The following PAM variants were observed in gnomAD, a reference collection of about 807,000 sequenced individuals.
PAM encodes peptidyl-glycine alpha-amidating monooxygenase.
PAM carries 72 observed loss-of-function variants against 122.1 expected under a neutral mutation model. The observed-to-expected ratio is 0.59, with a 90% CI of 0.49 to 0.72. The LOEUF (loss-of-function observed/expected upper bound fraction) is 0.72. PAM is among the 30% of genes least tolerant of loss of function. The probability of loss-of-function intolerance (pLI) is 0.00; values close to 1 mark genes in which losing one functional copy is unlikely to be tolerated. For missense variants in PAM, 1,106 were observed against 1,183.7 expected, an observed-to-expected ratio of 0.93 and a Z score of 0.96; for synonymous variants, 389 against 404.4, an observed-to-expected ratio of 0.96 and a Z score of 0.46.
intron 1 of PAM, among the ~76,000 whole-genome samples, chr5:102,837,248 G>A (rs1272439161): frequency 2.6e-5 from 4 of 152,032 alleles, no homozygotes; most frequent in Admixed American, 2.0e-4. Context: ...CATCATCTTC[G>A]TACCACACAA....
chr5:102,896,649 T>TG (rs1796300158), intron 3 of PAM, among the ~76,000 whole-genome samples: 1 of 151,690 alleles, frequency 6.6e-6, no homozygotes, highest in Admixed American at 6.6e-5. Context: ...TTTGGGAACG[T>TG]TTTAACATAA....
At chr5:102,931,961 A>T (rs1293446561) in intron 7 of PAM, among the ~76,000 whole-genome samples, 1 of 152,028 alleles carries the variant, frequency 6.6e-6, no homozygotes, top group Non-Finnish European at 1.5e-5. Flanking sequence ...TTTAATATTT[A>T]CATTCTAAAT....
chr5:102,987,664 A>C (rs1772358081), intron 15 of PAM: 4 of 366,288 alleles, frequency 1.1e-5, no homozygotes, highest in South Asian at 8.3e-5. Context: ...CGTACCAATA[A>C]AACATGTTTC....
At chr5:102,803,151 AAGGAAGGAAGGAAGGAAGG>A (rs1765273283) in intron 1 of PAM, among the ~76,000 whole-genome samples, 1 of 6,388 alleles carries the variant, frequency 1.6e-4, no homozygotes, top group African/African-American at 4.0e-4. Flanking sequence ...GAAAGAAAGG[AAGGAAGGAAGGAAGGAAGG>A]AAGGAAGGAA....
intron 3 of PAM, among the ~76,000 whole-genome samples, chr5:102,899,465 C>T (rs1483829917): frequency 6.6e-6 from 1 of 151,554 alleles, no homozygotes; most frequent in Non-Finnish European, 1.5e-5. Flanking sequence ...AAATCGAAAC[C>T]TGTTATTCCA....
intron 9 of PAM, among the ~76,000 whole-genome samples, chr5:102,948,685 A>T (rs1757784688): frequency 6.6e-6 from 1 of 152,054 alleles, no homozygotes; most frequent in Admixed American, 6.6e-5. Flanking sequence ...GTAGGTGTGT[A>T]TTATATAAAT....
chr5:102,942,548 C>T (rs938457039), intron 7 of PAM, among the ~76,000 whole-genome samples: 6 of 151,374 alleles, frequency 4.0e-5, no homozygotes, highest in African/African-American at 1.5e-4. Flanking sequence ...TGGGAAGATA[C>T]GATACAGTTT....
chr5:102,989,792 T>C (rs1053927545), intron 15 of PAM: 1 of 79,954 alleles, frequency 1.3e-5, no homozygotes. Context: ...CAGGAGATGA[T>C]AGATTAGATA....
chr5:102,878,499 A>T (rs969027603), intron 3 of PAM, among the ~76,000 whole-genome samples: 2 of 149,592 alleles, frequency 1.3e-5, no homozygotes, highest in African/African-American at 4.9e-5. Flanking sequence ...TCTACTTCTT[A>T]AAAAAAAAAT....
Position 102,958,135 on chromosome 5 carries a change from G to A in PAM, c.906-1740G>A, listed in dbSNP as rs933334811. On this transcript the variant is annotated intron_variant, in intron 12 of 25. Coordinates refer to ENST00000438793, the MANE Select transcript of PAM (RefSeq NM_001177306.2). ...CTTCTTACATATGCTGTTGTGGGTG[G>A]GTATACCTTCTCCAGTGAAAACATG... Among the ~76,000 whole-genome samples, 126 of 152,064 alleles carry A rather than the reference G, an allele frequency of 8.3e-4. 1 individual carries two copies. Among genetic ancestry groups the A allele is most frequent in the African/African-American group, 2.8e-3 (117 of 41,488 alleles).
At chr5:102,860,690 A>G (rs921806712) in intron 1 of PAM, among the ~76,000 whole-genome samples, 3 of 152,066 alleles carry the variant, frequency 2.0e-5, no homozygotes, top group Non-Finnish European at 4.4e-5. Flanking sequence ...CCTGTCTCAA[A>G]AAAAAAAATA....
intron 12 of PAM, among the ~76,000 whole-genome samples, chr5:102,953,761 C>G (rs1759774524): frequency 6.6e-6 from 1 of 152,170 alleles, no homozygotes; most frequent in Non-Finnish European, 1.5e-5. Flanking sequence ...TGCCTGTAAT[C>G]TCAGCACTTT....
chr5:102,947,499 T>C lies in PAM; in HGVS notation c.575+614T>C, dbSNP rs115666615. ...TGAGAATGCAAAGGCATAAGAATGA[T>C]ACAGTGGACTTTGAGGACTTCCCAG... On this transcript the variant is annotated intron_variant, in intron 8 of 25. Coordinates refer to ENST00000438793, the MANE Select transcript of PAM (RefSeq NM_001177306.2). Among the ~76,000 whole-genome samples, 1,183 of 152,196 alleles carry C rather than the reference T, an allele frequency of 7.8e-3. 22 individuals carry two copies. The highest frequency in any genetic ancestry group is 0.027 in the African/African-American group (1,135 of 41,510).
intron 14 of PAM, among the ~76,000 whole-genome samples, chr5:102,966,117 A>T (rs1031123519): frequency 2.6e-5 from 4 of 152,102 alleles, no homozygotes; most frequent in African/African-American, 7.2e-5. Flanking sequence ...GCTGTTTTAA[A>T]GAAGATACAG....
chr5:102,854,745 G>A (rs1389855568), intron 1 of PAM, among the ~76,000 whole-genome samples: 2 of 152,162 alleles, frequency 1.3e-5, no homozygotes, highest in Non-Finnish European at 2.9e-5. Flanking sequence ...AAGACAGCAA[G>A]AAACAGTTTA....
At chr5:102,954,468 T>C (rs1008200259) in intron 12 of PAM, among the ~76,000 whole-genome samples, 3 of 151,736 alleles carry the variant, frequency 2.0e-5, no homozygotes, top group Admixed American at 6.6e-5. Flanking sequence ...AAAGTAGGTA[T>C]ATTTAATATG....
intron 4 of PAM, among the ~76,000 whole-genome samples, chr5:102,908,198 C>T (rs541394866): frequency 2.0e-5 from 3 of 152,120 alleles, no homozygotes; most frequent in Non-Finnish European, 4.4e-5. Flanking sequence ...TATGGCTAGC[C>T]AGTTTCCCCA....
chr5:102,842,228 C>A (rs968498968), intron 1 of PAM, among the ~76,000 whole-genome samples: 33 of 141,444 alleles, frequency 2.3e-4, no homozygotes, highest in African/African-American at 3.5e-4. Context: ...ATATATATAT[C>A]TCCACATATG....
rs756271122 is a variant in PAM, at chr5:102,960,079, A to G, written c.1090+20A>G. The stretch of plus-strand genomic sequence containing the variant: ...ATAAAGGTAATAATTGATGTTTAAT[A>G]TAAAGTAATATATGATTTTGTATTT... On this transcript the variant is annotated intron_variant, in intron 13 of 25. Coordinates refer to ENST00000438793, the MANE Select transcript of PAM (RefSeq NM_001177306.2). The G allele has an allele frequency of 3.9e-6, 5 of 1,284,122 alleles. No individual in the cohort carries two copies. In the African/African-American group the frequency reaches 7.5e-5, roughly 19 times the overall value. 79.5% of individuals were successfully genotyped at this position (1,284,122 alleles called of 1,614,324 possible).
Sources: allele counts gnomAD v4.1 joint callset (sites outside exome capture counted in the v4.1 genomes callset), GRCh38; gene constraint gnomAD v4.1.1; transcripts MANE v1.5; gene names NCBI Gene and HGNC (gene_info 2026-07-23, HGNC 2026-07-21).